MUC5B: variants seen among roughly 807,000 people sequenced by gnomAD.
MUC5B encodes mucin 5B, oligomeric mucus/gel-forming, also known as mucin-5B.
Under a neutral mutation model 376.9 loss-of-function variants are expected in MUC5B, and 116 were observed. The observed-to-expected ratio is 0.31, with a 90% CI of 0.26 to 0.36. The LOEUF is 0.36. Among genes scored for constraint, MUC5B ranks in the 10% least tolerant of loss-of-function variants. The pLI, the probability that MUC5B is intolerant of heterozygous loss-of-function variation, is 1.00. For synonymous variants in MUC5B, 3,517 were observed against 3,390.9 expected (o/e 1.04, Z -1.29); for missense variants, 7,165 against 7,769.9 (o/e 0.92, Z 2.93).
At position 1,248,453 on chromosome 11, in the gene MUC5B, G is replaced by C; in HGVS notation, c.11573G>C (p.Gly3858Ala). ...GSVATPSSTP[G>A]TAHTTKVPTT... ...GTGGCCACCCCCTCTTCCACCCCAG[G>C]AACAGCTCACACTACCAAAGTGCCG... Residue 3858 changes from glycine (G) to alanine (A), a missense_variant, in exon 31 of 49, where the codon GGA (glycine) becomes GCA (alanine). This residue lies in a region of MUC5B where 242 missense variants were observed against 199.0 expected (regional missense o/e 1.22). Transcript: ENST00000529681. The C allele has an allele frequency of 1.2e-6, 2 of 1,609,360 alleles. No homozygotes were observed. The highest frequency in any genetic ancestry group is 1.7e-6 in the Non-Finnish European group (2 of 1,177,746).
In MUC5B at chr11:1,246,809, C is replaced by A. The variant is rs199754770; in HGVS notation, c.9929C>A (p.Thr3310Asn). The change falls in exon 31 of 49, where the codon ACT becomes AAT. Residue 3310 changes from threonine (T) to asparagine (N), a missense_variant. Thr to Asn is a moderately conservative substitution (Grantham distance 65). Coordinates refer to ENST00000529681, the MANE Select transcript of MUC5B (RefSeq NM_002458.3). Reference sequence around the variant, plus strand: ...ACAGCTCACACTACCAAAGTGCCGACTACCACAACCACGGGCTTCACAGCC... The same window carrying A: ...ACAGCTCACACTACCAAAGTGCCGAATACCACAACCACGGGCTTCACAGCC... Reference protein sequence around the residue: ...PGTAHTTKVPTTTTTGFTATP... With the variant: ...PGTAHTTKVPNTTTTGFTATP... The A allele has an allele frequency of 3.8e-6, 6 of 1,597,228 alleles. No individual in the cohort carries two copies. In the South Asian group the frequency reaches 5.5e-5, roughly 15 times the overall value.
Position 1,234,714 on chromosome 11 carries a change from G to GGAGGGC in MUC5B, c.2630+36_2630+41dup, listed in dbSNP as rs1441091143. On this transcript the variant is annotated intron_variant, in intron 21 of 48. Transcript: ENST00000529681. This position sits in a 1 kb window ranked among gnomAD's most constrained non-coding sequence, Gnocchi z 6.3. ...TGAGTCTCTCGGAGGCAGCAGGTGG[G>GGAGGGC]GAGGGCGGGGGCGGGGAGGGCAGCG... 7.7e-7 allele frequency: 1 copy of GGAGGGC among 1,299,608 alleles called. No homozygotes were observed. Among genetic ancestry groups the GGAGGGC allele is most frequent in the African/African-American group, 1.5e-5 (1 of 65,758 alleles). The allele number at this position is 1,299,608 out of a possible 1,614,324, so 80.5% of individuals were successfully genotyped here. A position where few individuals can be genotyped will look rare whatever the true frequency, so the allele number is the denominator to read the frequency against.
rs1862376834 is a variant in MUC5B at position 1,244,032 on chromosome 11, C to G, written c.7152C>G (p.Gly2384=). The change falls in exon 31 of 49, where the codon GGC becomes GGG. Residue 2384 remains glycine (G), a synonymous_variant. Transcript: ENST00000529681. The part of the protein sequence containing the change: ...GQVVECSLDF[G]LVCRNREQVG... Reference sequence around the variant, plus strand: ...TCGTGGAATGCAGCCTGGACTTTGGCCTGGTCTGCAGGAACCGTGAGCAGG... The same window carrying G: ...TCGTGGAATGCAGCCTGGACTTTGGGCTGGTCTGCAGGAACCGTGAGCAGG... 1 of 1,597,836 alleles carries G rather than the reference C, an allele frequency of 6.3e-7. No individual in the cohort carries two copies. Among genetic ancestry groups the G allele is most frequent in the Non-Finnish European group, 8.6e-7 (1 of 1,169,030 alleles).
Position 1,241,051 on chromosome 11 carries a change from G to T in MUC5B, c.4171G>T (p.Glu1391Ter). The change falls in exon 31 of 49, where the codon GAG becomes TAG. Residue 1391 changes from glutamate to a stop codon, truncating the protein, a stop_gained. Coordinates refer to ENST00000529681, the MANE Select transcript of MUC5B (RefSeq NM_002458.3). LOFTEE classifies it high-confidence loss of function. ...RAAQLPDMPLEELGQQVDCDR... is the reference protein window; with the variant it reads ...RAAQLPDMPL ...GGCGCAGCTTCCCGACATGCCGCTGGAGGAGCTGGGCCAGCAGGTGGACTG... is the reference window on the plus strand; with the variant it reads ...GGCGCAGCTTCCCGACATGCCGCTGTAGGAGCTGGGCCAGCAGGTGGACTG... The T allele has an allele frequency of 6.2e-7, 1 of 1,612,612 alleles. No individual in the cohort carries two copies. Among genetic ancestry groups the T allele is most frequent in the Non-Finnish European group, 8.5e-7 (1 of 1,179,786 alleles).
At chr11:1,230,365 C>T (rs1861997048) in intron 11 of MUC5B, 125 bp from the exon 12 acceptor site, 2 of 1,117,412 alleles carry the variant, frequency 1.8e-6, no homozygotes, top group Admixed American at 5.0e-5. Context: ...GGGAGGTGAC[C>T]AGAGGTGCCA....
Position 1,247,315 on chromosome 11 carries a change from T to C in MUC5B, c.10435T>C (p.Leu3479=). ...CTGGACTTCGGCCACCTCGGGCATC[T>C]TGGGCACCACCCACATCACAGAGCC... ...TAWTSATSGI[L]GTTHITEPST... is the part of the protein sequence containing the mutation. The change falls in exon 31 of 49, where the codon TTG becomes CTG. Residue 3479 remains leucine (L), a synonymous_variant. Transcript: ENST00000529681. The C allele has an allele frequency of 1.2e-6, 2 of 1,610,700 alleles. No homozygotes were observed. The highest frequency in any genetic ancestry group is 4.5e-5 in the East Asian group (2 of 44,778).
In MUC5B at chr11:1,249,711, C is replaced by A. The variant is rs550600808; in HGVS notation, c.12831C>A (p.Pro4277=). The change falls in exon 31 of 49, where the codon CCC becomes CCA. Residue 4277 remains proline (P), a synonymous_variant. Coordinates refer to ENST00000529681, the MANE Select transcript of MUC5B (RefSeq NM_002458.3). ...ATPSSTPGTA[P]PPKVLTSPAT... ...CGTCCTCCACCCCGGGAACAGCTCC[C>A]CCTCCCAAAGTGCTGACCAGCCCGG... The A allele has an allele frequency of 1.2e-6, 2 of 1,609,082 alleles. No homozygotes were observed. The highest frequency in any genetic ancestry group is 2.7e-5 in the African/African-American group (2 of 74,066).
chr11:1,250,622 C>T lies in MUC5B; in HGVS notation c.13742C>T (p.Pro4581Leu), dbSNP rs756321948. Reference sequence around the variant, plus strand: ...GGGGCCACCGGCTCTGTGGCCACCCCCTCCTCCACCCCAGGAACAGCTCAC... The same window carrying T: ...GGGGCCACCGGCTCTGTGGCCACCCTCTCCTCCACCCCAGGAACAGCTCAC... ...TTGATGSVAT[P>L]SSTPGTAHTT... is the part of the protein sequence containing the mutation. Residue 4581 changes from proline to leucine, a missense_variant, in exon 31 of 49, where the codon CCC (proline) becomes CTC (leucine). By Grantham distance (98) the Pro-to-Leu change is moderately conservative (BLOSUM62 -3). Transcript: ENST00000529681. The T allele has an allele frequency of 2.5e-6, 4 of 1,612,846 alleles. No homozygotes were observed.
Position 1,260,096 on chromosome 11 carries a change from G to C in MUC5B, c.16923+11G>C. The C allele has an allele frequency of 6.2e-7, 1 of 1,611,988 alleles. No individual in the cohort carries two copies. The highest frequency in any genetic ancestry group is 8.5e-7 in the Non-Finnish European group (1 of 1,179,414). On this transcript the variant is annotated intron_variant, in intron 46 of 48. Transcript: ENST00000529681. ...GTGTCCAGCTGCAGGGTGTGTGCTG[G>C]AGGCCCTGCCCCTGCCTGGGAGTCC...
chr11:1,251,343 G>C lies in MUC5B; in HGVS notation c.14463G>C (p.Glu4821Asp). Residue 4821 changes from glutamate (E) to aspartate (D), a missense_variant, in exon 31 of 49, where the codon GAG becomes GAC. Transcript: ENST00000529681. ...TGGGGACGACCCGGATCCTCACTGA[G>C]CTGACCACAACAGCCACTACAACTG... ...STLGTTRILT[E>D]LTTTATTTAA... 1 of 1,611,268 alleles carries C rather than the reference G, an allele frequency of 6.2e-7. No individual in the cohort carries two copies. Among genetic ancestry groups the C allele is most frequent in the East Asian group, 2.2e-5 (1 of 44,866 alleles).
At position 1,244,184 on chromosome 11, in the gene MUC5B, T is replaced by A. The variant is rs1407069516; in HGVS notation, c.7304T>A (p.Ile2435Asn). ...MPSSTPGTTW[I>N]LTELTTTATT... ...TCCTCCACTCCGGGGACGACCTGGA[T>A]CCTCACAGAGCTGACCACAACAGCC... The change falls in exon 31 of 49, where the codon ATC (isoleucine) becomes AAC (asparagine). Residue 2435 changes from isoleucine (I) to asparagine (N), a missense_variant. Physicochemically the swap from Ile to Asn is moderately radical, Grantham distance 149. Around this residue, in one of 31 missense-constraint regions of MUC5B, gnomAD observed 194 missense variants for 268.5 expected, o/e 0.72. Coordinates refer to ENST00000529681, the MANE Select transcript of MUC5B (RefSeq NM_002458.3). 6.2e-7 allele frequency: 1 copy of A among 1,611,674 alleles called. No individual in the cohort carries two copies. The highest frequency in any genetic ancestry group is 1.7e-5 in the Admixed American group (1 of 59,912).
Position 1,237,001 on chromosome 11 carries a change from TG to T in MUC5B, c.3139del (p.Asp1047ThrfsTer64). On this transcript the variant is annotated frameshift_variant, in exon 25 of 49. Coordinates refer to ENST00000529681, the MANE Select transcript of MUC5B (RefSeq NM_002458.3). LOFTEE classifies it high-confidence loss of function. ...TTTGCCACGCGTAGCCGGTCCGTGG[TG>T]GGGGACGCACTGGAGTTTGGGAACA... ...NDFATRSRSV[V>X]GDALEFGNSW... The T allele has an allele frequency of 6.4e-7, 1 of 1,574,080 alleles. No individual in the cohort carries two copies. The highest frequency in any genetic ancestry group is 8.6e-7 in the Non-Finnish European group (1 of 1,159,656).
Position 1,240,614 on chromosome 11 carries a change from C to G in MUC5B, c.3971-237C>G, listed in dbSNP as rs947880090. On this transcript the variant is annotated intron_variant, in intron 30 of 48. Transcript: ENST00000529681. ...GAGACAATAAAGCTTTCCTGGACTCCGTCCCATCCCTCAGCACGGCCTATC... is the reference window on the plus strand; with the variant it reads ...GAGACAATAAAGCTTTCCTGGACTCGGTCCCATCCCTCAGCACGGCCTATC... 5.3e-5 allele frequency among the ~76,000 whole-genome samples: 8 copies of G among 152,212 alleles called. No individual in the cohort carries two copies. The South Asian group carries it at 1.4e-3, about 28-fold the overall frequency.
intron 3 of MUC5B, 58 bp downstream of exon 3, chr11:1,226,334 G>T (rs1235300813): frequency 6.5e-7 from 1 of 1,535,230 alleles, no homozygotes; most frequent in African/African-American, 1.4e-5. Flanking sequence ...CCCAAAGGTG[G>T]GGGCCCAGAT....
chr11:1,260,604 C>T, intron 47 of MUC5B, 22 bp from the exon 48 acceptor site: 1 of 1,599,876 alleles, frequency 6.3e-7, no homozygotes, highest in East Asian at 2.2e-5. Flanking sequence ...TGGGGCTCCA[C>T]ATCTGCCTTT....
At chr11:1,259,615 G>C (rs1420632654) in intron 44 of MUC5B, 141 bp from the exon 45 acceptor site, 2 of 765,080 alleles carry the variant, frequency 2.6e-6, no homozygotes, top group East Asian at 2.7e-5. Flanking sequence ...ACTGAGTGGG[G>C]GCAACTTCTT....
chr11:1,226,314 G>A lies in MUC5B; in HGVS notation c.199+38G>A, dbSNP rs372347976. The A allele has an allele frequency of 2.5e-4, 384 of 1,546,106 alleles. 6 individuals carry two copies. In the South Asian group the frequency reaches 3.3e-3, roughly 13 times the overall value. ...TGCCCCTGCCAGCCGGGAAGGGGGT[G>A]TTTGCCAGTCCCAAAGGTGGGGGCC... On this transcript the variant is annotated intron_variant, in intron 3 of 48. Transcript: ENST00000529681.
Position 1,250,994 on chromosome 11 carries a change from T to C in MUC5B, c.14114T>C (p.Ile4705Thr), listed in dbSNP as rs775545639. 7.5e-5 allele frequency: 121 copies of C among 1,604,240 alleles called. 2 individuals are homozygous for C. Among genetic ancestry groups the C allele is most frequent in the Admixed American group, 1.5e-4 (9 of 59,388 alleles). Reference sequence around the variant, plus strand: ...TCCTCAACTCCAGGGACAACACCCATCACCCCAGTGCTGACCAGCACGGCC... The same window carrying C: ...TCCTCAACTCCAGGGACAACACCCACCACCCCAGTGCTGACCAGCACGGCC... ...NPSSTPGTTP[I>T]TPVLTSTATT... is the part of the protein sequence containing the mutation. Residue 4705 changes from isoleucine (I) to threonine (T), a missense_variant, in exon 31 of 49, where the codon ATC (isoleucine) becomes ACC (threonine). Physicochemically the swap from Ile to Thr is moderately conservative, Grantham distance 89 (BLOSUM62 -1). Coordinates refer to ENST00000529681, the MANE Select transcript of MUC5B (RefSeq NM_002458.3).
chr11:1,236,980 C>T lies in MUC5B; in HGVS notation c.3113C>T (p.Ala1038Val), dbSNP rs1432620555. 5 of 1,552,478 alleles carry T rather than the reference C, an allele frequency of 3.2e-6. No homozygotes were observed. The highest frequency in any genetic ancestry group is 3.8e-5 in the Admixed American group (2 of 52,598). ...GACGACAATGCCATCAATGACTTTGCCACGCGTAGCCGGTCCGTGGTGGGG... is the reference window on the plus strand; with the variant it reads ...GACGACAATGCCATCAATGACTTTGTCACGCGTAGCCGGTCCGTGGTGGGG... ...NFDDNAINDF[A>V]TRSRSVVGDA... Residue 1038 changes from alanine (A) to valine (V), a missense_variant, in exon 25 of 49, where the codon GCC (alanine) becomes GTC (valine). By Grantham distance (64) the Ala-to-Val change is moderately conservative (BLOSUM62 0). Transcript: ENST00000529681.
Sources: gnomAD v4.1 joint callset for allele counts (sites outside exome capture counted in the v4.1 genomes callset) on GRCh38, gnomAD v4.1.1 for gene constraint, gnomAD v4.1.1 regional missense constraint, Gnocchi (gnomAD v3.1) non-coding constraint, MANE v1.5 for transcripts, NCBI Gene and HGNC (gene_info 2026-07-23, HGNC 2026-07-21) for gene names.